The following SMG1 variants were observed in gnomAD, a reference collection of about 807,000 sequenced individuals.
SMG1 encodes the protein SMG1 nonsense mediated mRNA decay associated PI3K related kinase.
SMG1 carries 22 observed loss-of-function variants against 419.9 expected under a neutral mutation model. That is an observed-to-expected ratio of 0.05 (90% CI 0.04 to 0.07). The LOEUF is 0.07. Ranked by LOEUF, SMG1 falls within the 10% of genes least tolerant of loss-of-function variation. The probability of loss-of-function intolerance (pLI) is 1.00; values close to 1 mark genes in which losing one functional copy is unlikely to be tolerated. For missense variants in SMG1, 3,185 were observed against 4,342.0 expected, an observed-to-expected ratio of 0.73 and a Z score of 7.49; for synonymous variants, 1,538 against 1,553.5, an observed-to-expected ratio of 0.99 and a Z score of 0.23.
At chr16:18,898,151 A>C (rs1302709061) in intron 1 of SMG1, among the ~76,000 whole-genome samples, 4 of 152,184 alleles carry the variant, frequency 2.6e-5, no homozygotes, top group African/African-American at 9.6e-5. Flanking sequence ...GCATGAGCTC[A>C]ATCAGTTGGA....
At chr16:18,898,092 G>C (rs1306239398) in intron 1 of SMG1, among the ~76,000 whole-genome samples, 5 of 152,134 alleles carry the variant, frequency 3.3e-5, no homozygotes, top group Admixed American at 1.3e-4. Flanking sequence ...ATTTCGTTTA[G>C]AGTTTATTAG....
intron 1 of SMG1, among the ~76,000 whole-genome samples, chr16:18,906,514 A>G (rs1373664476): frequency 1.3e-5 from 2 of 152,064 alleles, no homozygotes; most frequent in African/African-American, 4.8e-5. Context: ...AGATACCATA[A>G]AATACCTGCA....
chr16:18,817,123 G>GC, intron 57 of SMG1, among the ~76,000 whole-genome samples, 168 bp downstream of exon 57: 1 of 94,530 alleles, frequency 1.1e-5, no homozygotes, highest in African/African-American at 4.1e-5. Flanking sequence ...CGGGGCGGGG[G>GC]GGGGGGCGCT....
chr16:18,885,344 G>A, intron 7 of SMG1, 182 bp from the exon 8 acceptor site: 5 of 726,064 alleles, frequency 6.9e-6, no homozygotes, highest in Non-Finnish European at 1.1e-5. Flanking sequence ...TGACAACAAT[G>A]AAATAGTTTA....
At chr16:18,872,419 T>C (rs2035871310) in intron 14 of SMG1, 74 bp from the exon 15 acceptor site, 8 of 1,478,348 alleles carry the variant, frequency 5.4e-6, no homozygotes, top group Admixed American at 5.2e-5. Flanking sequence ...TAAATCAACA[T>C]ACATCTTTAA....
chr16:18,923,176 T>C (rs2142040035), intron 1 of SMG1, among the ~76,000 whole-genome samples: 1 of 152,290 alleles, frequency 6.6e-6, no homozygotes, highest in East Asian at 1.9e-4. Context: ...GAGGTATGCT[T>C]CTATGGAACA....
chr16:18,874,824 C>G (rs1336951120), intron 13 of SMG1, among the ~76,000 whole-genome samples: 2 of 116,346 alleles, frequency 1.7e-5, no homozygotes, highest in Admixed American at 2.3e-4. Context: ...CGAGATTGCA[C>G]CACTGCACTC....
intron 57 of SMG1, 56 bp from the exon 58 acceptor site, chr16:18,816,585 T>C (rs922030316): frequency 7.0e-7 from 1 of 1,425,580 alleles, no homozygotes; most frequent in African/African-American, 1.4e-5. Flanking sequence ...AATGAGTTCT[T>C]TCTTCATTAA....
chr16:18,915,093 T>C (rs2037920995), intron 1 of SMG1, among the ~76,000 whole-genome samples: 1 of 151,978 alleles, frequency 6.6e-6, no homozygotes, highest in South Asian at 2.1e-4. Flanking sequence ...TGCCTCAGCC[T>C]CCTGAATAGC....
At chr16:18,887,354 T>G (rs2036653683) in intron 6 of SMG1, among the ~76,000 whole-genome samples, 1 of 151,884 alleles carries the variant, frequency 6.6e-6, no homozygotes, top group African/African-American at 2.4e-5. Flanking sequence ...AAAAATGTTT[T>G]GTTTTGTTTT....
intron 1 of SMG1, among the ~76,000 whole-genome samples, chr16:18,909,097 C>A (rs963469548): frequency 6.6e-6 from 1 of 150,704 alleles, no homozygotes; most frequent in Admixed American, 6.6e-5. Context: ...AATCCCAGCA[C>A]TTTAGGAGGC....
In SMG1 at chr16:18,819,615, G is replaced by A; in HGVS notation, c.9781C>T (p.Leu3261Phe). Reference sequence around the variant, plus strand: ...GGGTTGGCACCACCTGCCCACTTGAGTCGCTGTTCAATACTTGATTCAAGT... The same window carrying A: ...GGGTTGGCACCACCTGCCCACTTGAATCGCTGTTCAATACTTGATTCAAGT... ...AALESSIEQRLKWAGGANPAL... is the reference protein window; with the variant it reads ...AALESSIEQRFKWAGGANPAL... The change falls in exon 56 of 63, where the codon CTC (leucine) becomes TTC (phenylalanine). Residue 3261 changes from leucine to phenylalanine, a missense_variant. Leu to Phe is a conservative substitution (Grantham distance 22). This residue lies in a region of SMG1 where 737 missense variants were observed against 846.6 expected (regional missense o/e 0.87). Coordinates refer to ENST00000446231, the MANE Select transcript of SMG1 (RefSeq NM_015092.5). 2 of 1,590,734 alleles carry A rather than the reference G, an allele frequency of 1.3e-6. No homozygotes were observed. Among genetic ancestry groups the A allele is most frequent in the East Asian group, 2.3e-5 (1 of 44,212 alleles).
chr16:18,811,758 C>A lies in SMG1; in HGVS notation c.10908+3G>T. ...GTGTAGCCCAAGTTTAAAACACGGT[C>A]ACCTGTTCAGCAACTGACATCCTCC... On this transcript the variant is annotated splice_donor_region_variant and intron_variant, in intron 62 of 62. Transcript: ENST00000446231. 1 of 1,613,504 alleles carries A rather than the reference C, an allele frequency of 6.2e-7. No individual in the cohort carries two copies. Among genetic ancestry groups the A allele is most frequent in the South Asian group, 1.1e-5 (1 of 91,028 alleles).
chr16:18,868,775 A>T, intron 20 of SMG1, 56 bp from the exon 21 acceptor site: 1 of 763,298 alleles, frequency 1.3e-6, no homozygotes, highest in Non-Finnish European at 2.1e-6. Flanking sequence ...TCCTAGAATA[A>T]GTGTGAGTTT....
chr16:18,926,128 C>G lies in SMG1; in HGVS notation c.-87G>C. The stretch of plus-strand genomic sequence containing the variant: ...AACCGGCCGCCGCCGACACCCCGCT[C>G]CGGCCCGGGGCTGAGGAGGAAGCCG... On this transcript the variant is annotated 5_prime_UTR_variant, in exon 1 of 63. Transcript: ENST00000446231. 8.0e-7 allele frequency: 1 copy of G among 1,243,864 alleles called. No individual in the cohort carries two copies. Among genetic ancestry groups the G allele is most frequent in the Non-Finnish European group, 1.1e-6 (1 of 917,458 alleles). 77.1% of individuals were successfully genotyped at this position (1,243,864 alleles called of 1,614,324 possible). A position where few individuals can be genotyped will look rare whatever the true frequency, so the allele number is the denominator to read the frequency against.
rs556034753 is a variant in SMG1 at position 18,807,731 on chromosome 16, G to C, written c.*1838C>G. 1.3e-5 allele frequency: 2 copies of C among 152,118 alleles called. No individual in the cohort carries two copies. The highest frequency in any genetic ancestry group is 4.8e-5 in the African/African-American group (2 of 41,508). 9.4% of individuals were successfully genotyped at this position (152,118 alleles called of 1,614,324 possible). A position where few individuals can be genotyped will look rare whatever the true frequency, so the allele number is the denominator to read the frequency against. On this transcript the variant is annotated 3_prime_UTR_variant, in exon 63 of 63. Transcript: ENST00000446231. ...ACTGTCCTAATCTCTAAAATGCAGG[G>C]AAAATGTACTCAAACAATTTTTTTT...
At chr16:18,889,948 T>C (rs1596605299) in intron 5 of SMG1, among the ~76,000 whole-genome samples, 1 of 152,190 alleles carries the variant, frequency 6.6e-6, no homozygotes, top group Non-Finnish European at 1.5e-5. Flanking sequence ...ATATCCAATA[T>C]GTAATGACTA....
chr16:18,901,517 C>G (rs1404594271), intron 1 of SMG1, among the ~76,000 whole-genome samples: 9 of 152,300 alleles, frequency 5.9e-5, no homozygotes, highest in African/African-American at 2.2e-4. Flanking sequence ...TCTGGACTGT[C>G]ACCAATTTTT....
chr16:18,814,418 G>C (rs1325982797), intron 60 of SMG1, among the ~76,000 whole-genome samples: 1 of 151,714 alleles, frequency 6.6e-6, no homozygotes, highest in African/African-American at 2.4e-5. Context: ...AGAATTGCTT[G>C]AATCTGGGGG....
Sources: allele counts gnomAD v4.1 joint callset (sites outside exome capture counted in the v4.1 genomes callset), GRCh38; gene constraint gnomAD v4.1.1; regional missense constraint gnomAD v4.1.1; transcripts MANE v1.5; gene names NCBI Gene and HGNC (gene_info 2026-07-23, HGNC 2026-07-21).